Variants in ZMAT4 observed in about 807,000 individuals in gnomAD.
ZMAT4 encodes zinc finger matrin-type protein 4.
Under a neutral mutation model 28.7 loss-of-function variants are expected in ZMAT4, and 17 were observed. That is an observed-to-expected ratio of 0.59 (90% CI 0.41 to 0.89). The LOEUF is 0.89. Ranked by LOEUF, ZMAT4 falls within the 40% of genes least tolerant of loss-of-function variation. The pLI is 0.00. For missense variants in ZMAT4, 240 were observed against 283.8 expected, an observed-to-expected ratio of 0.85 and a Z score of 1.11; for synonymous variants, 117 against 109.2, an observed-to-expected ratio of 1.07 and a Z score of -0.44.
rs1317146201 is a variant in ZMAT4, at chr8:40,574,997, G to A, written c.674+6168C>T. On this transcript the variant is annotated intron_variant, in intron 6 of 6. Coordinates refer to ENST00000297737, the MANE Select transcript of ZMAT4 (RefSeq NM_024645.3). The stretch of plus-strand genomic sequence containing the variant: ...GAAATCAAAGTCACTGCTGGAGTGT[G>A]ACCTGTTCTGGGGAGCTGATAGCCA... 3.3e-5 allele frequency among the ~76,000 whole-genome samples: 5 copies of A among 152,310 alleles called. No homozygotes were observed. In the East Asian group the frequency reaches 9.7e-4, roughly 29 times the overall value.
At chr8:40,794,071 C>A (rs1283423549) in intron 2 of ZMAT4, among the ~76,000 whole-genome samples, 1 of 151,586 alleles carries the variant, frequency 6.6e-6, no homozygotes, top group Non-Finnish European at 1.5e-5. Flanking sequence ...CCTTAGGAGA[C>A]ATCAAAAGGC....
chr8:40,652,989 C>T (rs571419812), intron 5 of ZMAT4, among the ~76,000 whole-genome samples: 42 of 151,090 alleles, frequency 2.8e-4, no homozygotes, highest in Admixed American at 9.9e-4. Context: ...TGTTAGATGA[C>T]GAGTTAGTGG....
Position 40,848,265 on chromosome 8 carries a change from A to G in ZMAT4, c.-4-22585T>C, listed in dbSNP as rs573240031. 2.0e-5 allele frequency among the ~76,000 whole-genome samples: 3 copies of G among 152,346 alleles called. No homozygotes were observed. In the East Asian group the frequency reaches 5.8e-4, roughly 29 times the overall value. Reference sequence around the variant, plus strand: ...AGCCCATAAGAAAGAACACAAGCCTATGGGTGACACATCTGCCCTCGATGT... The same window carrying G: ...AGCCCATAAGAAAGAACACAAGCCTGTGGGTGACACATCTGCCCTCGATGT... On this transcript the variant is annotated intron_variant, in intron 1 of 6. Transcript: ENST00000297737.
intron 3 of ZMAT4, among the ~76,000 whole-genome samples, chr8:40,724,636 A>G (rs964790007): frequency 5.6e-4 from 86 of 152,328 alleles, no homozygotes; most frequent in African/African-American, 1.9e-3. Context: ...GTCAACCTCA[A>G]TGCACTGTGA....
intron 5 of ZMAT4, among the ~76,000 whole-genome samples, chr8:40,640,643 C>T (rs1280754992): frequency 6.6e-6 from 1 of 151,582 alleles, no homozygotes; most frequent in Non-Finnish European, 1.5e-5. Flanking sequence ...AGGTTTTTGT[C>T]AACTTAGCTC....
chr8:40,589,758 TTCTTTTTC>T (rs1336492002), intron 5 of ZMAT4, among the ~76,000 whole-genome samples: 33 of 147,776 alleles, frequency 2.2e-4, no homozygotes, highest in African/African-American at 7.5e-4. Context: ...CTTTCTTTCT[TTCTTTTTC>T]TTTCTTTCTT....
At chr8:40,740,847 T>C (rs761831702) in intron 3 of ZMAT4, among the ~76,000 whole-genome samples, 1 of 152,194 alleles carries the variant, frequency 6.6e-6, no homozygotes, top group African/African-American at 2.4e-5. Context: ...ACTGATTTTA[T>C]AGGAACCTCA....
At chr8:40,567,337 T>C (rs750025362) in intron 6 of ZMAT4, among the ~76,000 whole-genome samples, 13 of 152,302 alleles carry the variant, frequency 8.5e-5, no homozygotes, top group South Asian at 6.2e-4. Context: ...CATATTACTA[T>C]TGATATTTAT....
chr8:40,553,664 C>T (rs996218786), intron 6 of ZMAT4, among the ~76,000 whole-genome samples: 1 of 152,054 alleles, frequency 6.6e-6, no homozygotes, highest in Non-Finnish European at 1.5e-5. Flanking sequence ...TACTATTCTC[C>T]ATTGTATAGA....
At chr8:40,820,419 T>C (rs565927921) in intron 2 of ZMAT4, among the ~76,000 whole-genome samples, 13 of 129,582 alleles carry the variant, frequency 1.0e-4, no homozygotes, top group Admixed American at 7.7e-4. Flanking sequence ...AAAGTGTGTG[T>C]ATAGTGTGTG....
At chr8:40,866,306 G>T (rs774045562) in intron 1 of ZMAT4, among the ~76,000 whole-genome samples, 1 of 152,218 alleles carries the variant, frequency 6.6e-6, no homozygotes, top group Non-Finnish European at 1.5e-5. Flanking sequence ...CAATGCTGGT[G>T]CCCCAGGGCT....
intron 1 of ZMAT4, among the ~76,000 whole-genome samples, chr8:40,876,625 C>A (rs1818051177): frequency 1.3e-5 from 2 of 152,178 alleles, no homozygotes; most frequent in African/African-American, 4.8e-5. Context: ...TGCTTATGAT[C>A]TTCTTCATAG....
At chr8:40,890,090 T>C (rs1333945200) in intron 1 of ZMAT4, among the ~76,000 whole-genome samples, 1 of 152,244 alleles carries the variant, frequency 6.6e-6, no homozygotes, top group Non-Finnish European at 1.5e-5. Flanking sequence ...GAGAGACACT[T>C]TTCTTTTACA....
intron 5 of ZMAT4, among the ~76,000 whole-genome samples, chr8:40,590,306 A>G (rs897659438): frequency 7.9e-5 from 12 of 151,788 alleles, no homozygotes; most frequent in Non-Finnish European, 1.8e-4. Context: ...TGCTGGGATT[A>G]CAGATGTGAG....
intron 5 of ZMAT4, among the ~76,000 whole-genome samples, chr8:40,622,396 AT>A (rs1475919961): frequency 1.1e-4 from 16 of 152,146 alleles, no homozygotes; most frequent in African/African-American, 3.6e-4. Context: ...AGGGTTTTGT[AT>A]TTCCAAGAAC....
intron 3 of ZMAT4, among the ~76,000 whole-genome samples, chr8:40,721,896 C>T (rs901799841): frequency 1.6e-4 from 24 of 151,966 alleles, no homozygotes; most frequent in African/African-American, 5.8e-4. Flanking sequence ...TGATCTTTGA[C>T]AAACCTGAGA....
At chr8:40,624,521 G>A (rs374164222) in intron 5 of ZMAT4, among the ~76,000 whole-genome samples, 11 of 152,174 alleles carry the variant, frequency 7.2e-5, no homozygotes, top group African/African-American at 2.7e-4. Flanking sequence ...CTTAAGGATG[G>A]AAACAATAAT....
chr8:40,870,705 G>A (rs1405449655), intron 1 of ZMAT4, among the ~76,000 whole-genome samples: 1 of 152,164 alleles, frequency 6.6e-6, no homozygotes, highest in Non-Finnish European at 1.5e-5. Context: ...CAAACACCAG[G>A]CACATGATAG....
chr8:40,876,218 G>A (rs1390980135), intron 1 of ZMAT4, among the ~76,000 whole-genome samples: 2 of 152,080 alleles, frequency 1.3e-5, no homozygotes, highest in Non-Finnish European at 2.9e-5. Context: ...CCCCTCCTAT[G>A]CCTCCTCAAC....
Sources: allele counts gnomAD v4.1 joint callset (sites outside exome capture counted in the v4.1 genomes callset), GRCh38; gene constraint gnomAD v4.1.1; transcripts MANE v1.5; gene names NCBI Gene and HGNC (gene_info 2026-07-23, HGNC 2026-07-21).